ZSWIM6: variants seen among roughly 807,000 people sequenced by gnomAD.
The protein encoded by ZSWIM6 is zinc finger SWIM-type containing 6, also known as zinc finger SWIM domain-containing protein 6.
ZSWIM6 carries 9 observed loss-of-function variants against 113.2 expected under a neutral mutation model. That is an observed-to-expected ratio of 0.08 (90% confidence interval 0.05 to 0.14). The LOEUF (loss-of-function observed/expected upper bound fraction) is 0.14, where lower values mean the gene tolerates loss of function less well. Ranked by LOEUF, ZSWIM6 falls within the 10% of genes least tolerant of loss-of-function variation. The pLI is 1.00. For synonymous variants in ZSWIM6, 611 were observed against 606.5 expected, an observed-to-expected ratio of 1.01 and a Z score of -0.11; for missense variants, 1,162 against 1,552.2, an observed-to-expected ratio of 0.75 and a Z score of 4.22.
intron 6 of ZSWIM6, 45 bp from the exon 7 acceptor site, chr5:61,526,205 T>A (rs1192655676): frequency 1.3e-5 from 20 of 1,515,976 alleles, no homozygotes; most frequent in Non-Finnish European, 1.7e-5. Context: ...TTTTTATGGA[T>A]ATATCTGACA....
chr5:61,396,465 A>C (rs1009943675), intron 1 of ZSWIM6, among the ~76,000 whole-genome samples: 1 of 146,388 alleles, frequency 6.8e-6, no homozygotes, highest in Non-Finnish European at 1.5e-5. Context: ...CGGGAGGCAG[A>C]GGTTGCAGTG....
intron 3 of ZSWIM6, among the ~76,000 whole-genome samples, chr5:61,492,230 T>C (rs1214971555): frequency 6.6e-6 from 1 of 152,096 alleles, no homozygotes; most frequent in African/African-American, 2.4e-5. Flanking sequence ...TAAATACTAA[T>C]AATGTAAAAG....
intron 5 of ZSWIM6, among the ~76,000 whole-genome samples, chr5:61,525,437 C>T (rs1251712650): frequency 6.6e-6 from 1 of 152,164 alleles, no homozygotes; most frequent in Non-Finnish European, 1.5e-5. Context: ...GGCAGCCCAC[C>T]ACAGCACCTC....
chr5:61,377,453 C>G (rs904936788), intron 1 of ZSWIM6, among the ~76,000 whole-genome samples: 2 of 151,836 alleles, frequency 1.3e-5, no homozygotes, highest in Non-Finnish European at 2.9e-5. Flanking sequence ...ATTTTGCATA[C>G]TTAAAACTAC....
chr5:61,431,611 G>A (rs533755825), intron 1 of ZSWIM6, among the ~76,000 whole-genome samples: 11 of 150,240 alleles, frequency 7.3e-5, no homozygotes, highest in Non-Finnish European at 1.6e-4. Flanking sequence ...CGGGCGTGGT[G>A]GTGGGCGCCT....
intron 1 of ZSWIM6, among the ~76,000 whole-genome samples, chr5:61,434,129 A>T (rs1448090273): frequency 2.0e-5 from 3 of 147,360 alleles, no homozygotes; most frequent in East Asian, 1.9e-4. Flanking sequence ...ATATATGTAT[A>T]ATATATACTA....
chr5:61,389,785 T>C (rs1745666206), intron 1 of ZSWIM6, among the ~76,000 whole-genome samples: 1 of 152,160 alleles, frequency 6.6e-6, no homozygotes, highest in Admixed American at 6.5e-5. Context: ...GTAGAGGTTA[T>C]AGCAGGCCAC....
At chr5:61,397,864 T>C (rs1210724069) in intron 1 of ZSWIM6, among the ~76,000 whole-genome samples, 1 of 152,200 alleles carries the variant, frequency 6.6e-6, no homozygotes, top group Non-Finnish European at 1.5e-5. Context: ...TTGGTCGCAG[T>C]GCCTAGCACA....
intron 1 of ZSWIM6, among the ~76,000 whole-genome samples, chr5:61,343,475 A>G (rs1579941831): frequency 6.6e-6 from 1 of 152,382 alleles, no homozygotes; most frequent in East Asian, 1.9e-4. Context: ...CGTAATTACA[A>G]TCAGTACAGA....
intron 4 of ZSWIM6, among the ~76,000 whole-genome samples, chr5:61,508,883 T>C (rs1304144953): frequency 6.6e-6 from 1 of 152,110 alleles, no homozygotes; most frequent in Admixed American, 6.6e-5. Flanking sequence ...TGACACAGGA[T>C]GAAAGGGGAG....
chr5:61,449,871 G>C (rs548519588), intron 1 of ZSWIM6, among the ~76,000 whole-genome samples: 1 of 152,298 alleles, frequency 6.6e-6, no homozygotes, highest in Non-Finnish European at 1.5e-5. Flanking sequence ...TTGATCTCCA[G>C]GTGTGACCAG....
At chr5:61,456,033 T>G (rs1357762428) in intron 1 of ZSWIM6, among the ~76,000 whole-genome samples, 1 of 152,112 alleles carries the variant, frequency 6.6e-6, no homozygotes, top group Non-Finnish European at 1.5e-5. Context: ...GTCACAGTCT[T>G]GAAAATCGGA....
At chr5:61,458,817 A>G (rs912488840) in intron 1 of ZSWIM6, among the ~76,000 whole-genome samples, 1 of 151,566 alleles carries the variant, frequency 6.6e-6, no homozygotes, top group East Asian at 1.9e-4. Context: ...GGCGGGGGCT[A>G]CAGTGAGCCG....
At chr5:61,476,785 A>G (rs577156864) in intron 2 of ZSWIM6, among the ~76,000 whole-genome samples, 2 of 152,226 alleles carry the variant, frequency 1.3e-5, no homozygotes, top group Admixed American at 1.3e-4. Context: ...AAGGAGACGT[A>G]TTGTAGATTG....
At chr5:61,463,309 A>T (rs1466648025) in intron 1 of ZSWIM6, among the ~76,000 whole-genome samples, 1 of 152,196 alleles carries the variant, frequency 6.6e-6, no homozygotes, top group Non-Finnish European at 1.5e-5. Flanking sequence ...AAGAAGCAAG[A>T]TATTGTATAT....
chr5:61,394,451 C>T, intron 1 of ZSWIM6, among the ~76,000 whole-genome samples: 1 of 152,234 alleles, frequency 6.6e-6, no homozygotes, highest in East Asian at 1.9e-4. Context: ...TTAATTCTTC[C>T]TCCAGTATTG....
At chr5:61,437,334 G>A (rs1473043789) in intron 1 of ZSWIM6, among the ~76,000 whole-genome samples, 2 of 152,166 alleles carry the variant, frequency 1.3e-5, no homozygotes, top group African/African-American at 2.4e-5. Flanking sequence ...GTACAAGCCA[G>A]TGGTACAGTG....
chr5:61,502,744 G>T (rs1406889920), intron 4 of ZSWIM6, among the ~76,000 whole-genome samples: 1 of 152,196 alleles, frequency 6.6e-6, no homozygotes, highest in Non-Finnish European at 1.5e-5. Context: ...GCTACCTCCT[G>T]TCAGATCAGC....
At chr5:61,366,790 G>A (rs753501845) in intron 1 of ZSWIM6, among the ~76,000 whole-genome samples, 6 of 152,010 alleles carry the variant, frequency 3.9e-5, no homozygotes, top group Non-Finnish European at 5.9e-5. Flanking sequence ...TTAACCAGAC[G>A]TGATGGCGCA....
Sources: gnomAD v4.1 joint callset for allele counts (sites outside exome capture counted in the v4.1 genomes callset) on GRCh38, gnomAD v4.1.1 for gene constraint, MANE v1.5 for transcripts, NCBI Gene and HGNC (gene_info 2026-07-23, HGNC 2026-07-21) for gene names.